Variants in CEP44 observed in about 807,000 individuals in gnomAD.
CEP44 encodes the protein centrosomal protein 44, also known as centrosomal protein of 44 kDa.
Under a neutral mutation model 46.7 loss-of-function variants are expected in CEP44, and 45 were observed. The ratio of observed to expected loss-of-function variants is 0.96; its 90% CI spans 0.76 to 1.24. The LOEUF is 1.24. Among genes scored for constraint, CEP44 ranks in the 50% most tolerant of loss-of-function variants. CEP44 has a pLI of 0.00. For synonymous variants in CEP44, 142 were observed against 146.0 expected (o/e 0.97, Z 0.20); for missense variants, 475 against 459.7 (o/e 1.03, Z -0.30).
At position 174,311,261 on chromosome 4, in the gene CEP44, C is replaced by T. The variant is rs904767006; in HGVS notation, c.961+403C>T. On this transcript the variant is annotated intron_variant, in intron 9 of 11. Transcript: ENST00000503780. This position sits in a 1 kb window ranked among gnomAD's most constrained non-coding sequence, Gnocchi z 4.4. ...GTCAGTATCTATAAAGTATTGCAAACTTCTTCCATGTGAATAGTTCACTGA... is the reference window on the plus strand; with the variant it reads ...GTCAGTATCTATAAAGTATTGCAAATTTCTTCCATGTGAATAGTTCACTGA... 1.3e-5 allele frequency among the ~76,000 whole-genome samples: 2 copies of T among 151,908 alleles called. No homozygotes were observed. Among genetic ancestry groups the T allele is most frequent in the Non-Finnish European group, 1.5e-5 (1 of 67,896 alleles).
chr4:174,328,285 G>A (rs564662164), intron 8 of CEP44, among the ~76,000 whole-genome samples: 2 of 152,278 alleles, frequency 1.3e-5, no homozygotes, highest in South Asian at 2.1e-4. Flanking sequence ...GTTGGATAAC[G>A]GAAAGAAAGG....
rs1426261910 is a variant in CEP44 at position 174,326,974 on chromosome 4, T to A, written c.1087-4508T>A. 6.6e-6 allele frequency among the ~76,000 whole-genome samples: 1 copy of A among 151,904 alleles called. No homozygotes were observed. Among genetic ancestry groups the A allele is most frequent in the African/African-American group, 2.4e-5 (1 of 41,400 alleles). On this transcript the variant is annotated intron_variant, in intron 8 of 8. Coordinates refer to the CEP44 transcript ENST00000426172. This position sits in a 1 kb window ranked among gnomAD's most constrained non-coding sequence, Gnocchi z 4.8. ...TGATTTTCAGCAATTAGAAGAGCTA[T>A]GTAGAAAAACCAAAATAAACTACAG...
chr4:174,331,765 A>C lies in CEP44; in HGVS notation c.*170A>C. 1 of 786,844 alleles carries C rather than the reference A, an allele frequency of 1.3e-6. No homozygotes were observed. The highest frequency in any genetic ancestry group is 1.8e-6 in the Non-Finnish European group (1 of 541,534). The allele number at this position is 786,844 out of a possible 1,614,324, so 48.7% of individuals were successfully genotyped here. On this transcript the variant is annotated 3_prime_UTR_variant, in exon 9 of 9. Transcript: ENST00000426172. The surrounding 1 kb of genome is among the most constrained non-coding windows in gnomAD (Gnocchi z 4.5). ...ACTTTTTCCTTCCTGCTACATGGGT[A>C]ACACTTAGTTGTTTGTCTAATTTCT...
chr4:174,289,350 A>T (rs1737910146), intron 1 of CEP44, among the ~76,000 whole-genome samples: 1 of 149,930 alleles, frequency 6.7e-6, no homozygotes, highest in African/African-American at 2.5e-5. Flanking sequence ...TTTTTCTTTA[A>T]ATGTTTGCTA....
At chr4:174,315,425 C>A (rs772113794) in intron 9 of CEP44, among the ~76,000 whole-genome samples, 1 of 151,916 alleles carries the variant, frequency 6.6e-6, no homozygotes, top group Non-Finnish European at 1.5e-5. Context: ...AAAAAGAAAT[C>A]TGTGGATCTT....
rs1741194319 is a variant in CEP44, at chr4:174,312,455, T to C, written c.961+1597T>C. ...ACAGGTACGTGCCACCACACCTGGA[T>C]AATTTTTTATTTATTTACATACTGT... is the stretch of plus-strand genomic sequence containing the variant. On this transcript the variant is annotated intron_variant, in intron 9 of 11. Transcript: ENST00000503780. This position sits in a 1 kb window ranked among gnomAD's most constrained non-coding sequence, Gnocchi z 4.5. 6.6e-6 allele frequency among the ~76,000 whole-genome samples: 1 copy of C among 151,776 alleles called. No homozygotes were observed. The highest frequency in any genetic ancestry group is 2.4e-5 in the African/African-American group (1 of 41,146).
rs1332037722 is a variant in CEP44, at chr4:174,319,110, A to G, written c.*1727A>G. ...TGGGTGAGTCACCATGCTTGGCCAC[A>G]TTTTTAGTATTCTAATAAACAGTTG... On this transcript the variant is annotated 3_prime_UTR_variant, in exon 12 of 12. Transcript: ENST00000503780. 1.0e-6 allele frequency: 1 copy of G among 984,364 alleles called. No homozygotes were observed. The highest frequency in any genetic ancestry group is 1.2e-6 in the Non-Finnish European group (1 of 829,086). 61.0% of individuals were successfully genotyped at this position (984,364 alleles called of 1,614,324 possible). A position where few individuals can be genotyped will look rare whatever the true frequency, so the allele number is the denominator to read the frequency against.
Position 174,312,550 on chromosome 4 carries a change from C to T in CEP44, c.961+1692C>T, listed in dbSNP as rs1322884792. On this transcript the variant is annotated intron_variant, in intron 9 of 11. Coordinates refer to ENST00000503780, the MANE Select transcript of CEP44 (RefSeq NM_001040157.3). The surrounding 1 kb of genome is among the most constrained non-coding windows in gnomAD (Gnocchi z 4.5). ...AACTCCTGGGCTCAAGCAATCCTCC[C>T]ATCTCTGCTTCTCAAAGTACTGGGA... Among the ~76,000 whole-genome samples the T allele has an allele frequency of 6.6e-6, 1 of 152,092 alleles. No individual in the cohort carries two copies. Among genetic ancestry groups the T allele is most frequent in the African/African-American group, 2.4e-5 (1 of 41,424 alleles).
rs1443483842 is a variant in CEP44 at position 174,319,226 on chromosome 4, T to C, written c.*1843T>C. 1 of 969,432 alleles carries C rather than the reference T, an allele frequency of 1.0e-6. No homozygotes were observed. The highest frequency in any genetic ancestry group is 1.2e-6 in the Non-Finnish European group (1 of 815,396). The allele number at this position is 969,432 out of a possible 1,614,324, so 60.1% of individuals were successfully genotyped here. On this transcript the variant is annotated 3_prime_UTR_variant, in exon 12 of 12. Transcript: ENST00000503780. ...AAATATTTCCAGAATTAATGAAGCA[T>C]GTTAGCTTTAATTTTTTCAATTGTG...
rs1742091916 is a variant in CEP44 at position 174,319,432 on chromosome 4, T to A, written c.*2049T>A. The A allele has an allele frequency of 2.0e-6, 2 of 981,794 alleles. No individual in the cohort carries two copies. The highest frequency in any genetic ancestry group is 4.7e-5 in the South Asian group (1 of 21,232). The allele number at this position is 981,794 out of a possible 1,614,324, so 60.8% of individuals were successfully genotyped here. On this transcript the variant is annotated 3_prime_UTR_variant, in exon 12 of 12. Transcript: ENST00000503780. ...AGTGATTTCCCATCAAACAGGATAA[T>A]ATTTTTTCCCTTTTGAAAAATTCAA...
intron 5 of CEP44, 105 bp from the exon 6 acceptor site, chr4:174,304,142 G>C (rs1489632616): frequency 2.3e-6 from 3 of 1,279,490 alleles, no homozygotes; most frequent in African/African-American, 1.5e-5. Flanking sequence ...CTCATTATTT[G>C]TCAGCTATAT....
chr4:174,289,127 A>G (rs1490800388), intron 1 of CEP44, among the ~76,000 whole-genome samples: 1 of 152,120 alleles, frequency 6.6e-6, no homozygotes, highest in East Asian at 1.9e-4. Context: ...GTCATGGTAT[A>G]TGATTCTTTT....
chr4:174,316,238 C>G lies in CEP44; in HGVS notation c.1034C>G (p.Ser345Ter), dbSNP rs1300056915. 1 of 1,612,782 alleles carries G rather than the reference C, an allele frequency of 6.2e-7. No homozygotes were observed. The highest frequency in any genetic ancestry group is 8.5e-7 in the Non-Finnish European group (1 of 1,178,800). ...GGCTATAGTACAGCATCATCAGATT[C>G]AACTCCCAGAGCCTCTACTGTTAAT... The part of the protein sequence containing the change: ...SSGYSTASSD[S>*]TPRASTVNYC... Residue 345 changes from serine to a stop codon, truncating the protein, a stop_gained, in exon 10 of 12, where the codon TCA becomes TGA. Coordinates refer to ENST00000503780, the MANE Select transcript of CEP44 (RefSeq NM_001040157.3). LOFTEE classifies it high-confidence loss of function.
Position 174,312,841 on chromosome 4 carries a change from G to A in CEP44, c.961+1983G>A, listed in dbSNP as rs1741235351. Among the ~76,000 whole-genome samples the A allele has an allele frequency of 6.6e-6, 1 of 152,076 alleles. No individual in the cohort carries two copies. ...CAGAGAGCAATAATTTACTACTCTG[G>A]GTTTAGGATCATATTAAATCAGGAA... On this transcript the variant is annotated intron_variant, in intron 9 of 11. Transcript: ENST00000503780. The surrounding 1 kb of genome is among the most constrained non-coding windows in gnomAD (Gnocchi z 4.5).
rs2126676738 is a variant in CEP44, at chr4:174,318,596, AG to A, written c.*1215del. ...AAGAAAATTGACTTCATTATTTGGA[AG>A]GAAAATTAGTATTTTTTTTAATATT... On this transcript the variant is annotated 3_prime_UTR_variant, in exon 12 of 12. Transcript: ENST00000503780. 1 of 766,088 alleles carries A rather than the reference AG, an allele frequency of 1.3e-6. No homozygotes were observed. Among genetic ancestry groups the A allele is most frequent in the Admixed American group, 6.3e-5 (1 of 15,976 alleles). 47.5% of individuals were successfully genotyped at this position (766,088 alleles called of 1,614,324 possible).
intron 1 of CEP44, among the ~76,000 whole-genome samples, chr4:174,294,766 C>CA (rs1560890886): frequency 7.1e-6 from 1 of 140,956 alleles, no homozygotes; most frequent in East Asian, 2.2e-4. Context: ...CTGACCCCCC[C>CA]ACCTCCCTCC....
At chr4:174,302,270 A>G (rs371259689) in intron 4 of CEP44, 84 bp downstream of exon 4, 8 of 804,104 alleles carry the variant, frequency 9.9e-6, no homozygotes, top group African/African-American at 5.3e-5. Context: ...TCTTAAATAT[A>G]TGCAGCATAT....
At chr4:174,296,743 G>T (rs1236941303) in intron 1 of CEP44, among the ~76,000 whole-genome samples, 2 of 130,592 alleles carry the variant, frequency 1.5e-5, no homozygotes, top group African/African-American at 5.7e-5. Flanking sequence ...GTTGATAGAT[G>T]ATATTGTTTG....
At position 174,320,209 on chromosome 4, in the gene CEP44, T is replaced by G. The variant is rs1742188308; in HGVS notation, c.*2826T>G. On this transcript the variant is annotated 3_prime_UTR_variant, in exon 12 of 12. Coordinates refer to ENST00000503780, the MANE Select transcript of CEP44 (RefSeq NM_001040157.3). ...GTTAGCATCAACTGTATGAAAATTC[T>G]AGGTAAAGCTAAGTACTATTGAGTT... 1 of 985,196 alleles carries G rather than the reference T, an allele frequency of 1.0e-6. No homozygotes were observed. Among genetic ancestry groups the G allele is most frequent in the South Asian group, 4.7e-5 (1 of 21,284 alleles). The allele number at this position is 985,196 out of a possible 1,614,324, so 61.0% of individuals were successfully genotyped here. A position where few individuals can be genotyped will look rare whatever the true frequency, so the allele number is the denominator to read the frequency against.
Sources: gnomAD v4.1 joint callset for allele counts (sites outside exome capture counted in the v4.1 genomes callset) on GRCh38, gnomAD v4.1.1 for gene constraint, Gnocchi (gnomAD v3.1) non-coding constraint, MANE v1.5 for transcripts, NCBI Gene and HGNC (gene_info 2026-07-23, HGNC 2026-07-21) for gene names.